Variants in PCDHA8 observed in about 807,000 individuals in gnomAD.
PCDHA8 encodes the protein protocadherin alpha-8.
A neutral mutation model predicts 61.8 loss-of-function variants in PCDHA8; 53 were observed. The ratio of observed to expected loss-of-function variants is 0.86; its 90% CI spans 0.69 to 1.08. The LOEUF is 1.08. Among genes scored for constraint, PCDHA8 ranks in the 50% least tolerant of loss-of-function variants. PCDHA8 has a pLI of 0.00. For synonymous variants in PCDHA8, 618 were observed against 556.6 expected, an observed-to-expected ratio of 1.11 and a Z score of -1.55; for missense variants, 1,293 against 1,245.0, an observed-to-expected ratio of 1.04 and a Z score of -0.58.
rs1404352255 is a variant in PCDHA8 at position 140,843,932 on chromosome 5, T to C, written c.2394+217T>C. 7 of 583,528 alleles carry C rather than the reference T, an allele frequency of 1.2e-5. No homozygotes were observed. In the East Asian group the frequency reaches 1.4e-4, roughly 12 times the overall value. The allele number at this position is 583,528 out of a possible 1,614,324, so 36.1% of individuals were successfully genotyped here. A position where few individuals can be genotyped will look rare whatever the true frequency, so the allele number is the denominator to read the frequency against. ...TGGGTCTATCTTGAAACTCAAGTTA[T>C]GGTTGGATGATATCCATTTTTTACT... is the stretch of plus-strand genomic sequence containing the variant. On this transcript the variant is annotated intron_variant, in intron 1 of 3. Transcript: ENST00000531613.
In PCDHA8 at chr5:140,852,074, T is replaced by A. The variant is rs988130151; in HGVS notation, c.2394+8359T>A. On this transcript the variant is annotated intron_variant, in intron 1 of 3. Coordinates refer to ENST00000531613, the MANE Select transcript of PCDHA8 (RefSeq NM_018911.3). The stretch of plus-strand genomic sequence containing the variant: ...TTTATATTTTTCTTTCTCTTTCAGC[T>A]ATTTTATTTAATATTGTGTCAGATA... The A allele has an allele frequency of 1.4e-4, 130 of 903,068 alleles. 3 individuals carry two copies. Among genetic ancestry groups the A allele is most frequent in the Non-Finnish European group, 1.7e-4 (126 of 741,050 alleles). 55.9% of individuals were successfully genotyped at this position (903,068 alleles called of 1,614,324 possible).
chr5:140,857,603 C>T lies in PCDHA8; in HGVS notation c.2394+13888C>T, dbSNP rs547758195. The T allele has an allele frequency of 1.4e-5, 22 of 1,596,384 alleles. 1 individual carries two copies. The highest frequency in any genetic ancestry group is 1.3e-4 in the South Asian group (12 of 90,484). On this transcript the variant is annotated intron_variant, in intron 1 of 3. Transcript: ENST00000531613. ...CGCGGAGAGCGGCAAGGTGTACGCG[C>T]TGCAGCCGCTGGACCACGAGGAGCT...
intron 1 of PCDHA8, among the ~76,000 whole-genome samples, chr5:140,941,215 C>CTTTCTTTCTTTCTTTCTT (rs2092888517): frequency 9.6e-6 from 1 of 104,510 alleles, no homozygotes; most frequent in East Asian, 2.4e-4. Flanking sequence ...TTCTTTCTTC[C>CTTTCTTTCTTTCTTTCTT]TTTCTTTCTT....
intron 2 of PCDHA8, among the ~76,000 whole-genome samples, chr5:140,979,795 A>G (rs781835728): frequency 6.6e-6 from 1 of 152,264 alleles, no homozygotes. Flanking sequence ...GAAACAAATG[A>G]TCACAACTAT....
At chr5:140,856,839 AC>A (rs1220009978) in intron 1 of PCDHA8, 1 of 1,592,554 alleles carries the variant, frequency 6.3e-7, no homozygotes, top group East Asian at 2.2e-5. Context: ...ATACGGCTCA[AC>A]GCTTCTGATT....
intron 1 of PCDHA8, among the ~76,000 whole-genome samples, chr5:140,962,950 C>T (rs2095723700): frequency 6.6e-6 from 1 of 152,152 alleles, no homozygotes; most frequent in African/African-American, 2.4e-5. Flanking sequence ...ATAAGATATG[C>T]TCTATCCCTA....
rs377370256 is a variant in PCDHA8 at position 140,966,811 on chromosome 5, G to A, written c.2395-12138G>A. On this transcript the variant is annotated intron_variant, in intron 1 of 3. Transcript: ENST00000531613. ...GACCTGCGGCGACAGAGCATCCACGGCTCCGGCGGCCCATGCCCTGGCTGC... is the reference window on the plus strand; with the variant it reads ...GACCTGCGGCGACAGAGCATCCACGACTCCGGCGGCCCATGCCCTGGCTGC... The A allele has an allele frequency of 1.4e-5, 21 of 1,549,722 alleles. No individual in the cohort carries two copies. The African/African-American group carries it at 2.6e-4, about 19-fold the overall frequency.
chr5:140,870,876 G>A, intron 1 of PCDHA8: 1 of 1,613,958 alleles, frequency 6.2e-7, no homozygotes, highest in Non-Finnish European at 8.5e-7. Context: ...ACGTGGTGGC[G>A]AAGGTGCGCG....
chr5:140,943,923 C>A (rs1454812803), intron 1 of PCDHA8, among the ~76,000 whole-genome samples: 1 of 152,162 alleles, frequency 6.6e-6, no homozygotes, highest in Non-Finnish European at 1.5e-5. Flanking sequence ...GCATGAGCAG[C>A]TTTAGAAGTG....
At chr5:140,981,533 C>A (rs1045779820) in intron 2 of PCDHA8, among the ~76,000 whole-genome samples, 9 of 152,154 alleles carry the variant, frequency 5.9e-5, no homozygotes, top group African/African-American at 2.2e-4. Context: ...GAGATCGTGC[C>A]ACTGTACTCC....
chr5:140,948,005 T>G (rs246049), intron 1 of PCDHA8, among the ~76,000 whole-genome samples: 85,182 of 151,072 alleles, frequency 0.56, 24,606 homozygotes, highest in African/African-American at 0.69. Flanking sequence ...TTATTAAATT[T>G]AGGAAGTACC....
intron 1 of PCDHA8, chr5:140,967,767 A>G (rs782195052): frequency 1.2e-6 from 2 of 1,614,216 alleles, no homozygotes; most frequent in East Asian, 2.2e-5. Context: ...TACCAGATCT[A>G]TGTGCAGGCG....
chr5:140,869,089 C>T (rs141432478), intron 1 of PCDHA8: 5 of 1,588,880 alleles, frequency 3.1e-6, no homozygotes, highest in Non-Finnish European at 4.3e-6. Flanking sequence ...ATTTTGGAAG[C>T]CAATTTCGTA....
intron 1 of PCDHA8, among the ~76,000 whole-genome samples, chr5:140,907,407 C>G (rs1438882988): frequency 3.3e-5 from 5 of 152,168 alleles, no homozygotes; most frequent in African/African-American, 1.2e-4. Flanking sequence ...GTGTGGAATA[C>G]CACGATGGTG....
chr5:140,907,790 A>G (rs2073612747), intron 1 of PCDHA8, among the ~76,000 whole-genome samples: 1 of 152,178 alleles, frequency 6.6e-6, no homozygotes, highest in African/African-American at 2.4e-5. Context: ...CTGGGGAAAG[A>G]GGCTAAGTGG....
Position 140,841,253 on chromosome 5 carries a change from G to A in PCDHA8, c.-69G>A. 1 of 1,510,284 alleles carries A rather than the reference G, an allele frequency of 6.6e-7. No individual in the cohort carries two copies. The highest frequency in any genetic ancestry group is 8.9e-7 in the Non-Finnish European group (1 of 1,126,398). The allele number at this position is 1,510,284 out of a possible 1,614,324, so 93.6% of individuals were successfully genotyped here. ...GAGATGCAGCGGAATTGGATTAAAA[G>A]ACTCTGAAAGTACAGTCGTTCATCT... On this transcript the variant is annotated 5_prime_UTR_variant, in exon 1 of 4. Transcript: ENST00000531613.
At chr5:140,853,601 AG>A in intron 1 of PCDHA8, 1 of 987,492 alleles carries the variant, frequency 1.0e-6, no homozygotes, top group Non-Finnish European at 1.2e-6. Context: ...TTGAGAGCAA[AG>A]GGGGTGCTGT....
At chr5:140,871,288 G>A (rs1254609310) in intron 1 of PCDHA8, 2 of 1,613,786 alleles carry the variant, frequency 1.2e-6, no homozygotes, top group Non-Finnish European at 1.7e-6. Context: ...GCCCACTGAG[G>A]GCGCGTGCGC....
intron 1 of PCDHA8, chr5:140,876,689 C>A (rs2056506979): frequency 1.2e-6 from 2 of 1,614,228 alleles, no homozygotes; most frequent in Non-Finnish European, 1.7e-6. Context: ...AATTACTACT[C>A]GTTGGTGCTG....
Sources: allele counts gnomAD v4.1 joint callset (sites outside exome capture counted in the v4.1 genomes callset), GRCh38; gene constraint gnomAD v4.1.1; transcripts MANE v1.5; gene names NCBI Gene and HGNC (gene_info 2026-07-23, HGNC 2026-07-21).